The following PRSS3 variants were observed in gnomAD, a reference collection of about 807,000 sequenced individuals.
The protein encoded by PRSS3 is serine protease 3.
Under a neutral mutation model 20.8 loss-of-function variants are expected in PRSS3, and 14 were observed. The ratio of observed to expected loss-of-function variants is 0.67; its 90% confidence interval spans 0.44 to 1.05. PRSS3 has a LOEUF of 1.05. Ranked by LOEUF, PRSS3 falls within the 50% of genes least tolerant of loss-of-function variation. PRSS3 has a pLI of 0.00. For synonymous variants in PRSS3, 91 were observed against 117.6 expected (o/e 0.77, Z 1.46); for missense variants, 237 against 306.4 (o/e 0.77, Z 1.69).
chr9:33,758,848 G>C (rs565261991), intron 1 of PRSS3, among the ~76,000 whole-genome samples: 28 of 152,324 alleles, frequency 1.8e-4, no homozygotes, highest in African/African-American at 5.8e-4. Flanking sequence ...TTCAGTTTAA[G>C]AACTATTATT....
chr9:33,758,542 A>C (rs1229157272), intron 1 of PRSS3, among the ~76,000 whole-genome samples: 4 of 152,236 alleles, frequency 2.6e-5, no homozygotes, highest in Non-Finnish European at 5.9e-5. Flanking sequence ...ATACTAAAAA[A>C]TTTATGCTAC....
intron 1 of PRSS3, among the ~76,000 whole-genome samples, chr9:33,772,391 C>T (rs1004797598): frequency 6.6e-6 from 1 of 152,112 alleles, no homozygotes; most frequent in Non-Finnish European, 1.5e-5. Context: ...GGAGGATGTT[C>T]AGCAGTGTCC....
At position 33,750,915 on chromosome 9, in the gene PRSS3, T is replaced by G; in HGVS notation, c.-53+188T>G. The G allele has an allele frequency of 7.8e-7, 1 of 1,286,166 alleles. No homozygotes were observed. Among genetic ancestry groups the G allele is most frequent in the Non-Finnish European group, 9.9e-7 (1 of 1,010,332 alleles). 79.7% of individuals were successfully genotyped at this position (1,286,166 alleles called of 1,614,324 possible). A position where few individuals can be genotyped will look rare whatever the true frequency, so the allele number is the denominator to read the frequency against. On this transcript the variant is annotated intron_variant, in intron 1 of 5. Coordinates refer to the PRSS3 transcript ENST00000342836. The surrounding 1 kb of genome is among the most constrained non-coding windows in gnomAD (Gnocchi z 4.8). ...TCAGGGACAGGGATGGAGGCTCCTC[T>G]AGGGGAGGACGGGAGGGGATGGAGG...
chr9:33,795,161 A>G (rs914762227), upstream of PRSS3, among the ~76,000 whole-genome samples: 3 of 152,230 alleles, frequency 2.0e-5, no homozygotes, highest in Non-Finnish European at 4.4e-5. Context: ...CTTGTTACCA[A>G]TGCTTGCCCT....
In PRSS3 at chr9:33,798,115, C is replaced by G. The variant is rs753684886; in HGVS notation, c.454+33C>G. On this transcript the variant is annotated intron_variant, in intron 3 of 4. Coordinates refer to ENST00000379405, the MANE Select transcript of PRSS3 (RefSeq NM_002771.4). ...GGACCCTTTGTCCTTCTACTTCCCC[C>G]CATCCTCACAATTTCCAGAACGAAG... The G allele has an allele frequency of 6.8e-6, 11 of 1,614,038 alleles. No individual in the cohort carries two copies. The East Asian group carries it at 2.0e-4, about 29-fold the overall frequency.
intron 1 of PRSS3, 128 bp downstream of exon 1, chr9:33,795,741 C>T (rs796068238): frequency 8.6e-7 from 1 of 1,166,972 alleles, no homozygotes; most frequent in African/African-American, 1.5e-5. Flanking sequence ...TGACATATCT[C>T]CTTCCCATCC....
chr9:33,783,425 C>T (rs756490204), intron 1 of PRSS3, among the ~76,000 whole-genome samples: 3 of 152,052 alleles, frequency 2.0e-5, no homozygotes, highest in Non-Finnish European at 4.4e-5. Flanking sequence ...TTTCAGTTGA[C>T]TTTTCAATGA....
At chr9:33,774,517 C>T (rs1346808081) in intron 1 of PRSS3, among the ~76,000 whole-genome samples, 1 of 152,080 alleles carries the variant, frequency 6.6e-6, no homozygotes, top group Non-Finnish European at 1.5e-5. Flanking sequence ...AAAAATGAGG[C>T]AGGGCAGGGA....
intron 1 of PRSS3, among the ~76,000 whole-genome samples, chr9:33,782,148 C>A (rs1406035660): frequency 6.6e-6 from 1 of 152,184 alleles, no homozygotes; most frequent in African/African-American, 2.4e-5. Context: ...TCTGAGTACC[C>A]AGTGAGTTTC....
intron 1 of PRSS3, among the ~76,000 whole-genome samples, chr9:33,788,683 A>G (rs1430799122): frequency 6.6e-6 from 1 of 152,250 alleles, no homozygotes; most frequent in Non-Finnish European, 1.5e-5. Context: ...TCTGAAAGGT[A>G]GTGGTGAAGG....
rs1824413117 is a variant in PRSS3 at position 33,786,407 on chromosome 9, T to C, written c.-52-8339T>C. The C allele has an allele frequency of 4.5e-6, 3 of 670,000 alleles. No homozygotes were observed. In the South Asian group the frequency reaches 5.2e-5, roughly 12 times the overall value. 41.5% of individuals were successfully genotyped at this position (670,000 alleles called of 1,614,324 possible). Reference sequence around the variant, plus strand: ...CATAACAGAGTAATTGTCGGCACAATAAAAAGGAGGCAGTGCCCTGGGGTC... The same window carrying C: ...CATAACAGAGTAATTGTCGGCACAACAAAAAGGAGGCAGTGCCCTGGGGTC... On this transcript the variant is annotated intron_variant, in intron 1 of 5. Transcript: ENST00000342836.
At chr9:33,752,054 A>C (rs1822725177) in intron 1 of PRSS3, among the ~76,000 whole-genome samples, 2 of 152,134 alleles carry the variant, frequency 1.3e-5, no homozygotes, top group African/African-American at 4.8e-5. Flanking sequence ...ATTTGTTCTG[A>C]TATTACAGGA....
upstream of PRSS3, among the ~76,000 whole-genome samples, chr9:33,791,415 T>G (rs1340471831): frequency 6.6e-6 from 1 of 152,228 alleles, no homozygotes; most frequent in Non-Finnish European, 1.5e-5. Flanking sequence ...GCCTTCCAAA[T>G]GGATGACACA....
chr9:33,763,161 T>A (rs956260345), intron 1 of PRSS3, among the ~76,000 whole-genome samples: 1 of 152,200 alleles, frequency 6.6e-6, no homozygotes, highest in South Asian at 2.1e-4. Flanking sequence ...TTTAGGAAGA[T>A]GTAGGAAATA....
At chr9:33,755,428 A>G (rs1822894934) in intron 1 of PRSS3, among the ~76,000 whole-genome samples, 2 of 152,102 alleles carry the variant, frequency 1.3e-5, no homozygotes, top group South Asian at 4.2e-4. Flanking sequence ...GCATGCAAAT[A>G]CGGGCCATTT....
At chr9:33,760,513 G>A (rs376895417) in intron 1 of PRSS3, among the ~76,000 whole-genome samples, 1 of 152,062 alleles carries the variant, frequency 6.6e-6, no homozygotes, top group Non-Finnish European at 1.5e-5. Flanking sequence ...TTGGGAGGCC[G>A]ACGCTGGTGG....
upstream of PRSS3, among the ~76,000 whole-genome samples, chr9:33,792,924 G>GA (rs1824700387): frequency 6.7e-6 from 1 of 148,556 alleles, no homozygotes. Context: ...TCTAGTTCAG[G>GA]ATGAAGAGTA....
At chr9:33,768,407 GA>G (rs1371458960) in intron 1 of PRSS3, among the ~76,000 whole-genome samples, 1 of 151,926 alleles carries the variant, frequency 6.6e-6, no homozygotes, top group African/African-American at 2.4e-5. Flanking sequence ...TTGAACCTGA[GA>G]GGCAGAGGTT....
chr9:33,753,671 CT>C (rs1226858114), intron 1 of PRSS3, among the ~76,000 whole-genome samples: 1 of 152,206 alleles, frequency 6.6e-6, no homozygotes, highest in Non-Finnish European at 1.5e-5. Context: ...ACAAACAGAG[CT>C]TTACTTGTCT....
Sources: gnomAD v4.1 joint callset for allele counts (sites outside exome capture counted in the v4.1 genomes callset) on GRCh38, gnomAD v4.1.1 for gene constraint, Gnocchi (gnomAD v3.1) non-coding constraint, MANE v1.5 for transcripts, NCBI Gene and HGNC (gene_info 2026-07-23, HGNC 2026-07-21) for gene names.